Variants in TNRC6C observed in about 807,000 individuals in gnomAD.
TNRC6C encodes the protein trinucleotide repeat containing adaptor 6C.
In TNRC6C, 20 loss-of-function variants were observed where a neutral mutation model predicts 153.7. That is an observed-to-expected ratio of 0.13 (90% CI 0.09 to 0.19). The LOEUF (loss-of-function observed/expected upper bound fraction) is 0.19, where lower values mean the gene tolerates loss of function less well. Ranked by LOEUF, TNRC6C falls within the 10% of genes least tolerant of loss-of-function variation. The pLI is 1.00. For missense variants in TNRC6C, 1,987 were observed against 2,172.0 expected, an observed-to-expected ratio of 0.91 and a Z score of 1.69; for synonymous variants, 811 against 841.4, an observed-to-expected ratio of 0.96 and a Z score of 0.63.
At chr17:78,093,228 C>G in intron 15 of TNRC6C, 104 bp downstream of exon 17, 1 of 1,261,730 alleles carries the variant, frequency 7.9e-7, no homozygotes. Flanking sequence ...AGCTAAGGAT[C>G]TGGAAGCGTT....
At chr17:78,030,018 T>C (rs553578631) in intron 1 of TNRC6C, among the ~76,000 whole-genome samples, 1 of 152,328 alleles carries the variant, frequency 6.6e-6, no homozygotes, top group South Asian at 2.1e-4. Context: ...TTTGGCTTTT[T>C]TTTATGTAGA....
At chr17:78,002,945 A>G (rs2071435121), upstream of TNRC6C, among the ~76,000 whole-genome samples, 1 of 152,192 alleles carries the variant, frequency 6.6e-6, no homozygotes, top group Non-Finnish European at 1.5e-5. Flanking sequence ...AAGAAAAAGG[A>G]AGAGTCAGGA....
intron 1 of TNRC6C, among the ~76,000 whole-genome samples, chr17:77,981,812 G>A (rs1186487190): frequency 1.3e-5 from 2 of 152,152 alleles, no homozygotes; most frequent in Admixed American, 6.5e-5. Flanking sequence ...ATGCTGCACC[G>A]CCAGAATTGA....
rs144521968 is a variant in TNRC6C, at chr17:78,007,604, T to C, written c.-546+2525T>C. 3.5e-3 allele frequency among the ~76,000 whole-genome samples: 536 copies of C among 152,362 alleles called. 1 individual carries two copies. The highest frequency in any genetic ancestry group is 9.4e-3 in the Admixed American group (144 of 15,312). On this transcript the variant is annotated intron_variant, in intron 1 of 19. Transcript: ENST00000301624. ...TCCCTCCCCTGCTCCAGATTGTGTGTCTATGAGGGCAGGGGCCACATTTGC... is the reference window on the plus strand; with the variant it reads ...TCCCTCCCCTGCTCCAGATTGTGTGCCTATGAGGGCAGGGGCCACATTTGC...
intron 1 of TNRC6C, 110 bp downstream of exon 3, chr17:78,005,189 G>C: frequency 1.5e-6 from 1 of 674,022 alleles, no homozygotes; most frequent in Non-Finnish European, 2.1e-6. Flanking sequence ...ATCTAAGCCT[G>C]CCTTTGAAAC....
At position 78,079,914 on chromosome 17, in the gene TNRC6C, T is replaced by C. The variant is rs1388597545; in HGVS notation, c.3357+373T>C. On this transcript the variant is annotated intron_variant, in intron 10 of 19. Transcript: ENST00000301624. The surrounding 1 kb of genome is among the most constrained non-coding windows in gnomAD (Gnocchi z 4.3). ...GGTGAACCCAGTGAACTGTCCTAGA[T>C]TGGTGGGAGAGGAAAGTGACACGCT... Among the ~76,000 whole-genome samples the C allele has an allele frequency of 1.3e-5, 2 of 152,090 alleles. No homozygotes were observed. Among genetic ancestry groups the C allele is most frequent in the Non-Finnish European group, 2.9e-5 (2 of 67,998 alleles).
At chr17:78,100,011 T>C (rs1346681603) in intron 17 of TNRC6C, among the ~76,000 whole-genome samples, 1 of 152,126 alleles carries the variant, frequency 6.6e-6, no homozygotes, top group African/African-American at 2.4e-5. Flanking sequence ...ATCTCAAAGC[T>C]CCAAAATGAT....
intron 3 of TNRC6C, 74 bp downstream of exon 5, chr17:78,051,522 G>A: frequency 1.5e-6 from 2 of 1,327,750 alleles, no homozygotes; most frequent in East Asian, 5.4e-5. Context: ...ATATATTCAT[G>A]AATACTCCGA....
At chr17:78,000,577 G>A (rs1170055262), upstream of TNRC6C, among the ~76,000 whole-genome samples, 1 of 143,682 alleles carries the variant, frequency 7.0e-6, no homozygotes, top group East Asian at 2.1e-4. Flanking sequence ...TCAAAATAGT[G>A]GCATGTAACA....
chr17:78,093,827 G>A (rs2073434931), intron 16 of TNRC6C, 64 bp downstream of exon 18: 7 of 1,591,188 alleles, frequency 4.4e-6, no homozygotes, highest in South Asian at 3.4e-5. Flanking sequence ...GGAGATGTCA[G>A]GGGTGACAGG....
chr17:78,048,674 A>T (rs935619528), intron 2 of TNRC6C, among the ~76,000 whole-genome samples, 171 bp from the exon 5 acceptor site: 1 of 152,246 alleles, frequency 6.6e-6, no homozygotes, highest in Non-Finnish European at 1.5e-5. Flanking sequence ...GCTCTTTAAA[A>T]TGGGATCTAT....
chr17:78,078,484 G>A (rs908650377), intron 9 of TNRC6C, among the ~76,000 whole-genome samples: 2 of 152,138 alleles, frequency 1.3e-5, no homozygotes, highest in African/African-American at 4.8e-5. Context: ...TTTCCTGTTT[G>A]AAATGTTGCT....
intron 1 of TNRC6C, among the ~76,000 whole-genome samples, chr17:78,010,662 G>A (rs1229172223): frequency 6.6e-6 from 1 of 152,118 alleles, no homozygotes; most frequent in Admixed American, 6.5e-5. Context: ...GATTGTATGA[G>A]GTATCTTTAG....
intron 1 of TNRC6C, among the ~76,000 whole-genome samples, chr17:77,968,525 A>G (rs945319673): frequency 1.3e-5 from 2 of 151,648 alleles, no homozygotes; most frequent in African/African-American, 4.9e-5. Flanking sequence ...TATTTTTAGT[A>G]GAGACAGGGT....
At chr17:78,059,677 C>T (rs1052593549) in intron 3 of TNRC6C, among the ~76,000 whole-genome samples, 1 of 151,828 alleles carries the variant, frequency 6.6e-6, no homozygotes, top group Non-Finnish European at 1.5e-5. Flanking sequence ...GTGAGACCCA[C>T]GTCTCTACAA....
chr17:78,085,455 A>G (rs2073263193), intron 11 of TNRC6C, among the ~76,000 whole-genome samples: 1 of 152,198 alleles, frequency 6.6e-6, no homozygotes, highest in Admixed American at 6.5e-5. Context: ...GGCATTTCTA[A>G]TAGTATAATC....
At chr17:78,046,807 CATT>C (rs1165555215) in intron 2 of TNRC6C, among the ~76,000 whole-genome samples, 1 of 152,180 alleles carries the variant, frequency 6.6e-6, no homozygotes, top group Non-Finnish European at 1.5e-5. Flanking sequence ...TGTCCAACAG[CATT>C]TATTAGCCAC....
At chr17:78,087,595 G>T (rs1207603984) in intron 13 of TNRC6C, among the ~76,000 whole-genome samples, 2 of 152,136 alleles carry the variant, frequency 1.3e-5, no homozygotes, top group African/African-American at 4.8e-5. Flanking sequence ...ACTCTGAACT[G>T]TACTTTACCA....
chr17:78,026,958 A>AT (rs2071953222), intron 1 of TNRC6C, among the ~76,000 whole-genome samples: 1 of 152,220 alleles, frequency 6.6e-6, no homozygotes, highest in South Asian at 2.1e-4. Context: ...AGAGATTGAA[A>AT]TACTCAGAAG....
Sources: gnomAD v4.1 joint callset for allele counts (sites outside exome capture counted in the v4.1 genomes callset) on GRCh38, gnomAD v4.1.1 for gene constraint, Gnocchi (gnomAD v3.1) non-coding constraint, MANE v1.5 for transcripts, NCBI Gene and HGNC (gene_info 2026-07-23, HGNC 2026-07-21) for gene names.